DCAF8L2: variants seen among roughly 807,000 people sequenced by gnomAD.
The protein encoded by DCAF8L2 is DDB1 and CUL4 associated factor 8 like 2.
For missense variants in DCAF8L2, 430 were observed against 490.7 expected, an observed-to-expected ratio of 0.88 and a Z score of 1.17; for synonymous variants, 200 against 190.9, an observed-to-expected ratio of 1.05 and a Z score of -0.39.
chrX:27,653,465 G>A (rs778094720), intron 2 of DCAF8L2, among the ~76,000 whole-genome samples: 1 of 110,915 alleles, frequency 9.0e-6, no homozygotes, highest in Non-Finnish European at 1.9e-5. Flanking sequence ...CATTACAGTA[G>A]TCACCCCCCA....
intron 2 of DCAF8L2, among the ~76,000 whole-genome samples, chrX:27,643,643 G>A (rs1255227434): frequency 2.7e-5 from 3 of 111,595 alleles, no homozygotes; most frequent in African/African-American, 6.5e-5. Flanking sequence ...AATGTCCAAC[G>A]TTATTTTCCT....
intron 4 of DCAF8L2, among the ~76,000 whole-genome samples, chrX:27,724,536 G>C (rs766164753): frequency 1.5e-4 from 17 of 110,634 alleles, no homozygotes; most frequent in Non-Finnish European, 2.9e-4. Flanking sequence ...GGAAGAACAA[G>C]GGGAAAAAAA....
intron 1 of DCAF8L2, among the ~76,000 whole-genome samples, chrX:27,606,481 C>T (rs1431481943): frequency 9.9e-6 from 1 of 100,818 alleles, no homozygotes; most frequent in African/African-American, 3.7e-5. Context: ...AGCGATTCTC[C>T]TGCCACAGCC....
chrX:27,640,708 A>G (rs767101099), intron 2 of DCAF8L2, among the ~76,000 whole-genome samples: 54 of 112,310 alleles, frequency 4.8e-4, no homozygotes, highest in Admixed American at 1.4e-3. Context: ...GCAATGTATG[A>G]GAGATCCAGT....
At chrX:27,657,184 A>G (rs1287050603) in intron 2 of DCAF8L2, among the ~76,000 whole-genome samples, 1 of 111,254 alleles carries the variant, frequency 9.0e-6, no homozygotes, top group Non-Finnish European at 1.9e-5. Context: ...CCTCCCCTTT[A>G]TTAACTTAAT....
the DCAF8L2 span, among the ~76,000 whole-genome samples, chrX:27,576,166 C>T: frequency 8.9e-6 from 1 of 112,343 alleles, no homozygotes; most frequent in South Asian, 3.6e-4. Flanking sequence ...TTTTAAAATG[C>T]ATTTGAATTG....
intron 3 of DCAF8L2, among the ~76,000 whole-genome samples, chrX:27,707,865 A>T (rs1282025242): frequency 1.8e-5 from 2 of 111,868 alleles, no homozygotes; most frequent in Non-Finnish European, 3.8e-5. Context: ...TTGACAAAGT[A>T]GAATTTTGTG....
the DCAF8L2 span, among the ~76,000 whole-genome samples, chrX:27,506,500 G>A: frequency 1.8e-5 from 2 of 110,691 alleles, no homozygotes; most frequent in East Asian, 2.8e-4. Context: ...TATTAGCAAG[G>A]CCACACTCTA....
In DCAF8L2 at chrX:27,748,116, G is replaced by A; in HGVS notation, c.1221G>A (p.Val407=). The change falls in exon 5 of 5, where the codon GTG becomes GTA. Residue 407 remains valine, a synonymous_variant. Transcript: ENST00000451261. ...TTGATAAGAAAGAAAACAATGGCGTGCTCAAGAAATTCACTCCTCATCATC... is the reference window on the plus strand; with the variant it reads ...TTGATAAGAAAGAAAACAATGGCGTACTCAAGAAATTCACTCCTCATCATC... ...RKIDKKENNG[V]LKKFTPHHLV... 1 of 1,211,753 alleles carries A rather than the reference G, an allele frequency of 8.3e-7. No individual in the cohort carries two copies. The highest frequency in any genetic ancestry group is 1.1e-6 in the Non-Finnish European group (1 of 895,390).
chrX:27,489,885 A>C, the DCAF8L2 span, among the ~76,000 whole-genome samples: 1 of 111,348 alleles, frequency 9.0e-6, no homozygotes, highest in Non-Finnish European at 1.9e-5. Context: ...CATTGTTATT[A>C]TTATTTTTTT....
At position 27,595,290 on chromosome X, in the gene DCAF8L2, A is replaced by C. The variant is rs1251544731; in HGVS notation, c.-342+4850A>C. On this transcript the variant is annotated intron_variant, in intron 1 of 4. Transcript: ENST00000451261. ...CTGTCTATTTTTTATTTCCTTTTGG[A>C]AGTCTAATAGACACTTTAAAAAAAG... Among the ~76,000 whole-genome samples the C allele has an allele frequency of 1.8e-4, 20 of 111,817 alleles. No homozygotes were observed. In the Admixed American group the frequency reaches 1.8e-3, roughly 10 times the overall value.
the DCAF8L2 span, among the ~76,000 whole-genome samples, chrX:27,555,579 T>A: frequency 2.7e-5 from 3 of 112,349 alleles, no homozygotes; most frequent in East Asian, 8.4e-4. Flanking sequence ...TCTGTGATTG[T>A]TATTTATTCC....
At chrX:27,542,528 G>T in the DCAF8L2 span, among the ~76,000 whole-genome samples, 2 of 87,472 alleles carry the variant, frequency 2.3e-5, no homozygotes, top group African/African-American at 8.6e-5. Context: ...CATGTCCTTT[G>T]CCTACTTTTT....
At chrX:27,564,858 A>C in the DCAF8L2 span, among the ~76,000 whole-genome samples, 12 of 109,347 alleles carry the variant, frequency 1.1e-4, no homozygotes, top group Admixed American at 1.2e-3. Flanking sequence ...TTTAAAAAAA[A>C]ATTTTTTGTA....
At chrX:27,609,357 C>G (rs1241984066) in intron 1 of DCAF8L2, among the ~76,000 whole-genome samples, 1 of 111,682 alleles carries the variant, frequency 9.0e-6, no homozygotes, top group Non-Finnish European at 1.9e-5. Context: ...GGAGGTAAAG[C>G]TGTGGAAGGC....
intron 2 of DCAF8L2, among the ~76,000 whole-genome samples, chrX:27,634,680 C>T (rs954101440): frequency 1.8e-5 from 2 of 110,840 alleles, no homozygotes; most frequent in South Asian, 7.6e-4. Context: ...CATGACATCA[C>T]AAGTGGAAAA....
chrX:27,674,966 C>A (rs930384940), intron 2 of DCAF8L2, among the ~76,000 whole-genome samples: 3 of 111,578 alleles, frequency 2.7e-5, no homozygotes, highest in Non-Finnish European at 3.8e-5. Context: ...AAGTGAACTA[C>A]ACTCACTCAT....
At chrX:27,669,813 T>C (rs1347646408) in intron 2 of DCAF8L2, among the ~76,000 whole-genome samples, 1 of 111,631 alleles carries the variant, frequency 9.0e-6, no homozygotes, top group Non-Finnish European at 1.9e-5. Context: ...TCATCCTTTT[T>C]TATGGCTGCA....
At chrX:27,571,609 T>C in the DCAF8L2 span, among the ~76,000 whole-genome samples, 1 of 111,935 alleles carries the variant, frequency 8.9e-6, no homozygotes, top group Non-Finnish European at 1.9e-5. Flanking sequence ...AGGTCAAGTA[T>C]AGATTTCCTC....
Sources: allele counts gnomAD v4.1 joint callset (sites outside exome capture counted in the v4.1 genomes callset), GRCh38; gene constraint gnomAD v4.1.1; transcripts MANE v1.5; gene names NCBI Gene and HGNC (gene_info 2026-07-23, HGNC 2026-07-21).